The following CFAP20DC variants were observed in gnomAD, a reference collection of about 807,000 sequenced individuals.
The protein encoded by CFAP20DC is protein CFAP20DC.
A neutral mutation model predicts 101.7 loss-of-function variants in CFAP20DC; 84 were observed. The ratio of observed to expected loss-of-function variants is 0.83; its 90% CI spans 0.69 to 0.99. The LOEUF (loss-of-function observed/expected upper bound fraction) is 0.99, where lower values mean the gene tolerates loss of function less well. CFAP20DC is among the 50% of genes least tolerant of loss of function. The pLI is 0.00. For missense variants in CFAP20DC, 1,007 were observed against 970.3 expected, an observed-to-expected ratio of 1.04 and a Z score of -0.50; for synonymous variants, 359 against 351.2, an observed-to-expected ratio of 1.02 and a Z score of -0.25.
chr3:58,724,777 C>G lies in CFAP20DC; in HGVS notation c.198-7149G>C, dbSNP rs1485862754. ...AACTCTTAACCTGTCTCTTCTCAAT[C>G]CTTTGTCGCCACCGGACTTCGGGTA... On this transcript the variant is annotated intron_variant, in intron 3 of 3. Transcript: ENST00000486145. The surrounding 1 kb of genome is among the most constrained non-coding windows in gnomAD (Gnocchi z 5.6). Among the ~76,000 whole-genome samples the G allele has an allele frequency of 6.6e-6, 1 of 152,094 alleles. No homozygotes were observed. The highest frequency in any genetic ancestry group is 1.9e-4 in the East Asian group (1 of 5,192).
chr3:59,033,082 C>T (rs2094027974), intron 4 of CFAP20DC, among the ~76,000 whole-genome samples: 1 of 152,122 alleles, frequency 6.6e-6, no homozygotes, highest in African/African-American at 2.4e-5. Flanking sequence ...CCACTGCAAA[C>T]TCCAGCAGAC....
chr3:58,870,841 T>C (rs1345882764), intron 7 of CFAP20DC, among the ~76,000 whole-genome samples: 3 of 127,854 alleles, frequency 2.3e-5, no homozygotes, highest in African/African-American at 9.4e-5. Flanking sequence ...TGAGCCGAGA[T>C]TGCGCCACTG....
intron 4 of CFAP20DC, among the ~76,000 whole-genome samples, chr3:58,981,391 A>G (rs2092537819): frequency 6.6e-6 from 1 of 152,276 alleles, no homozygotes; most frequent in Middle Eastern, 3.4e-3. Context: ...AAGAGCCCGC[A>G]TCGCCAAGTC....
intron 13 of CFAP20DC, among the ~76,000 whole-genome samples, chr3:58,847,581 A>C (rs1012650448): frequency 3.3e-5 from 5 of 152,148 alleles, no homozygotes; most frequent in African/African-American, 1.2e-4. Flanking sequence ...ACTGTAAACT[A>C]GTTCAACCGT....
At chr3:58,819,841 A>G (rs1171604292) in intron 14 of CFAP20DC, among the ~76,000 whole-genome samples, 2 of 149,420 alleles carry the variant, frequency 1.3e-5, no homozygotes, top group African/African-American at 5.0e-5. Context: ...CACAGCCAAA[A>G]AAGAGAATTT....
intron 4 of CFAP20DC, among the ~76,000 whole-genome samples, chr3:59,009,429 A>G (rs752245594): frequency 3.9e-5 from 6 of 152,150 alleles, no homozygotes; most frequent in Non-Finnish European, 8.8e-5. Context: ...AAAAACATAC[A>G]GGATATGAAT....
chr3:58,739,841 C>G, downstream of CFAP20DC, among the ~76,000 whole-genome samples: 1 of 152,132 alleles, frequency 6.6e-6, no homozygotes, highest in East Asian at 1.9e-4. Flanking sequence ...CACTGGGAAG[C>G]ACATCTATTT....
At chr3:58,918,422 A>T (rs908829049) in intron 5 of CFAP20DC, among the ~76,000 whole-genome samples, 1 of 152,144 alleles carries the variant, frequency 6.6e-6, no homozygotes, top group African/African-American at 2.4e-5. Flanking sequence ...ACATTCCTGA[A>T]AAAAGCTGGA....
chr3:58,818,989 A>T (rs1237700891), intron 14 of CFAP20DC, among the ~76,000 whole-genome samples: 1 of 150,952 alleles, frequency 6.6e-6, no homozygotes, highest in East Asian at 1.9e-4. Flanking sequence ...TAAGAATCTC[A>T]CTCAAACCCG....
At chr3:58,930,547 G>C (rs987774581) in intron 5 of CFAP20DC, among the ~76,000 whole-genome samples, 1 of 152,154 alleles carries the variant, frequency 6.6e-6, no homozygotes, top group Admixed American at 6.5e-5. Flanking sequence ...TTTTCCTTCA[G>C]TCCTAACTAT....
intron 5 of CFAP20DC, among the ~76,000 whole-genome samples, chr3:58,923,018 G>A (rs974466740): frequency 1.7e-4 from 26 of 151,884 alleles, no homozygotes; most frequent in Middle Eastern, 3.4e-3. Flanking sequence ...ATCATTCTCC[G>A]ATCTCAGTCC....
In CFAP20DC at chr3:58,832,309, C is replaced by G. The variant is rs553040585; in HGVS notation, c.1972-420G>C. Among the ~76,000 whole-genome samples, 6 of 152,266 alleles carry G rather than the reference C, an allele frequency of 3.9e-5. No individual in the cohort carries two copies. In the South Asian group the frequency reaches 1.2e-3, roughly 32 times the overall value. On this transcript the variant is annotated intron_variant, in intron 13 of 16. Transcript: ENST00000482387. ...ACTTTTAGCATTGATCACAGTTGCACTGATGGAATTGTTTCTGGAGTTGGC... is the reference window on the plus strand; with the variant it reads ...ACTTTTAGCATTGATCACAGTTGCAGTGATGGAATTGTTTCTGGAGTTGGC...
rs546596755 is a variant in CFAP20DC, at chr3:58,867,818, G to A, written c.1134C>T (p.Ser378=). The A allele has an allele frequency of 5.0e-5, 81 of 1,613,302 alleles. No individual in the cohort carries two copies. The highest frequency in any genetic ancestry group is 2.7e-4 in the South Asian group (25 of 91,028). ...STSRERTETP[S]GSSSGNNRIE... ...GATAGGATTGAAATAGTGCCATACC[G>A]CTGGGTGTCTCTGTCCTTTCTCTGC... The change falls in exon 10 of 17, where the codon AGC becomes AGT. Residue 378 remains serine, a splice_region_variant and synonymous_variant. Coordinates refer to ENST00000482387, the MANE Select transcript of CFAP20DC (RefSeq NM_001394063.1).
chr3:58,951,761 G>A (rs1466736405), intron 4 of CFAP20DC, among the ~76,000 whole-genome samples: 2 of 151,962 alleles, frequency 1.3e-5, no homozygotes, highest in East Asian at 3.9e-4. Context: ...CTGTTGTGGG[G>A]TGGGGGGAGA....
intron 4 of CFAP20DC, among the ~76,000 whole-genome samples, chr3:58,995,761 T>C (rs1260210642): frequency 6.6e-6 from 1 of 152,182 alleles, no homozygotes; most frequent in Non-Finnish European, 1.5e-5. Flanking sequence ...TAAGGGAGAA[T>C]TTGCTCTCTC....
intron 7 of CFAP20DC, among the ~76,000 whole-genome samples, chr3:58,884,003 T>A (rs1279853771): frequency 2.6e-5 from 4 of 152,096 alleles, no homozygotes; most frequent in Non-Finnish European, 4.4e-5. Context: ...TTAAAAAAAA[T>A]TTCAGACAAT....
rs555726340 is a variant in CFAP20DC at position 58,949,495 on chromosome 3, G to A, written c.279-11733C>T. Reference sequence around the variant, plus strand: ...TCTGGTATGTTGTGTCTTTGTTCTCGTTGGTTTCAAAGAACATCTTTATTT... The same window carrying A: ...TCTGGTATGTTGTGTCTTTGTTCTCATTGGTTTCAAAGAACATCTTTATTT... On this transcript the variant is annotated intron_variant, in intron 4 of 16. Transcript: ENST00000482387. 3.6e-4 allele frequency among the ~76,000 whole-genome samples: 55 copies of A among 152,022 alleles called. No homozygotes were observed. The South Asian group carries it at 5.2e-3, about 14-fold the overall frequency.
intron 4 of CFAP20DC, among the ~76,000 whole-genome samples, chr3:59,022,855 C>T (rs2093827368): frequency 1.3e-5 from 2 of 151,996 alleles, no homozygotes; most frequent in South Asian, 4.1e-4. Context: ...ATCTAAGAGC[C>T]AACTGTGGTG....
At position 58,863,166 on chromosome 3, in the gene CFAP20DC, C is replaced by A; in HGVS notation, c.1593+392G>T. ...CAGGGGAGTAAGGAAGCCAGAAAAC[C>A]ATCAATTTAGAATGCTTAGCAACTG... On this transcript the variant is annotated intron_variant, in intron 12 of 16. Transcript: ENST00000482387. This position sits in a 1 kb window ranked among gnomAD's most constrained non-coding sequence, Gnocchi z 5.9. The A allele has an allele frequency of 9.1e-7, 1 of 1,095,482 alleles. No homozygotes were observed. Among genetic ancestry groups the A allele is most frequent in the Non-Finnish European group, 1.1e-6 (1 of 902,904 alleles). The allele number at this position is 1,095,482 out of a possible 1,614,324, so 67.9% of individuals were successfully genotyped here.
Sources: gnomAD v4.1 joint callset for allele counts (sites outside exome capture counted in the v4.1 genomes callset) on GRCh38, gnomAD v4.1.1 for gene constraint, Gnocchi (gnomAD v3.1) non-coding constraint, MANE v1.5 for transcripts, NCBI Gene and HGNC (gene_info 2026-07-23, HGNC 2026-07-21) for gene names.